Variants in RYR2 observed in about 807,000 individuals in gnomAD.
RYR2 encodes the protein cardiac muscle ryanodine receptor-calcium release channel.
A neutral mutation model predicts 601.1 loss-of-function variants in RYR2; 227 were observed. The ratio of observed to expected loss-of-function variants is 0.38; its 90% CI spans 0.34 to 0.42. The LOEUF (loss-of-function observed/expected upper bound fraction) is 0.42, where lower values mean the gene tolerates loss of function less well. Ranked by LOEUF, RYR2 falls within the 10% of genes least tolerant of loss-of-function variation. The pLI is 1.00. For missense variants in RYR2, 4,646 were observed against 6,156.5 expected, an observed-to-expected ratio of 0.75 and a Z score of 8.21; for synonymous variants, 2,223 against 2,175.1, an observed-to-expected ratio of 1.02 and a Z score of -0.61.
At chr1:237,310,069 C>G (rs1019610881) in intron 2 of RYR2, among the ~76,000 whole-genome samples, 26 of 152,292 alleles carry the variant, frequency 1.7e-4, no homozygotes, top group African/African-American at 6.3e-4. Flanking sequence ...CACAGTGCAG[C>G]AGCAGGCTGA....
chr1:237,586,454 C>T (rs150056114), intron 29 of RYR2, among the ~76,000 whole-genome samples: 51 of 152,256 alleles, frequency 3.3e-4, no homozygotes, highest in African/African-American at 1.2e-3. Flanking sequence ...GCAGGAGTTA[C>T]AGAAGATAGG....
intron 1 of RYR2, among the ~76,000 whole-genome samples, chr1:237,051,462 G>T (rs1021763302): frequency 1.3e-5 from 2 of 151,344 alleles, no homozygotes; most frequent in Non-Finnish European, 2.9e-5. Context: ...CAGGAACAAT[G>T]GTGTCCACAT....
intron 56 of RYR2, 53 bp downstream of exon 56, chr1:237,661,000 T>G: frequency 8.0e-7 from 1 of 1,253,598 alleles, no homozygotes. Context: ...GATTAAATAA[T>G]TTTTTAAATT....
At chr1:237,423,707 A>G (rs1558793809) in intron 12 of RYR2, among the ~76,000 whole-genome samples, 1 of 152,164 alleles carries the variant, frequency 6.6e-6, no homozygotes. Flanking sequence ...TTACAGTGTG[A>G]GGATAAAGCA....
chr1:237,620,910 T>A (rs766008080), intron 38 of RYR2, among the ~76,000 whole-genome samples: 1 of 152,062 alleles, frequency 6.6e-6, no homozygotes, highest in Non-Finnish European at 1.5e-5. Context: ...CACACTATCA[T>A]CAAATAATAG....
rs1213772557 is a variant in RYR2, at chr1:237,658,018, A to C, written c.8204A>C (p.Asp2735Ala). Residue 2735 changes from aspartate (D) to alanine (A), a missense_variant, in exon 54 of 105, where the codon GAC becomes GCC. Coordinates refer to ENST00000366574, the MANE Select transcript of RYR2 (RefSeq NM_001035.3). ...CACTCCCATGACAAATGGTCAATGG[A>C]CAAGGTAAAAAGAGTATTACATTCT... ...AEHSHDKWSM[D>A]KLANGWIYGE... The C allele has an allele frequency of 3.4e-5, 51 of 1,487,292 alleles. No homozygotes were observed. The Admixed American group carries it at 1.1e-3, about 33-fold the overall frequency. The allele number at this position is 1,487,292 out of a possible 1,614,324, so 92.1% of individuals were successfully genotyped here.
chr1:237,070,464 T>C (rs1479340426), intron 1 of RYR2, among the ~76,000 whole-genome samples: 1 of 152,196 alleles, frequency 6.6e-6, no homozygotes. Context: ...AAGCATTTCT[T>C]CTGCCTCAAC....
chr1:237,587,876 G>T (rs1292180120), intron 29 of RYR2, among the ~76,000 whole-genome samples: 1 of 152,118 alleles, frequency 6.6e-6, no homozygotes, highest in Non-Finnish European at 1.5e-5. Flanking sequence ...CAAATAAAGT[G>T]ATCAGAAAGA....
At chr1:237,368,799 G>C (rs1010072945) in intron 5 of RYR2, among the ~76,000 whole-genome samples, 4 of 129,156 alleles carry the variant, frequency 3.1e-5, no homozygotes, top group Non-Finnish European at 7.0e-5. Context: ...TTGAATCAAC[G>C]TTTATTTATT....
chr1:237,072,039 G>A (rs1345081676), intron 1 of RYR2, among the ~76,000 whole-genome samples: 2 of 152,242 alleles, frequency 1.3e-5, no homozygotes, highest in East Asian at 3.9e-4. Flanking sequence ...ACCCTGCTGG[G>A]GGAAGAGGGT....
intron 96 of RYR2, among the ~76,000 whole-genome samples, chr1:237,795,836 G>GTGTGTATA (rs371932356): frequency 4.1e-4 from 55 of 132,666 alleles, no homozygotes; most frequent in East Asian, 6.8e-4. Flanking sequence ...GTGTGTGTGT[G>GTGTGTATA]TATATATATA....
intron 1 of RYR2, among the ~76,000 whole-genome samples, chr1:237,253,967 C>T (rs1426067889): frequency 3.3e-5 from 5 of 152,148 alleles, no homozygotes; most frequent in Admixed American, 3.3e-4. Context: ...TTATATTTCA[C>T]TGTGTTTTTC....
intron 35 of RYR2, among the ~76,000 whole-genome samples, chr1:237,607,672 T>G (rs1292497723): frequency 6.6e-6 from 1 of 152,220 alleles, no homozygotes; most frequent in Non-Finnish European, 1.5e-5. Flanking sequence ...ATGATTGATT[T>G]AAAATTTTAG....
intron 1 of RYR2, among the ~76,000 whole-genome samples, chr1:237,107,391 G>A (rs1194711221): frequency 6.6e-6 from 1 of 150,982 alleles, no homozygotes; most frequent in Non-Finnish European, 1.5e-5. Context: ...CGTGGTGGCG[G>A]GCGCCTGTAG....
intron 16 of RYR2, among the ~76,000 whole-genome samples, chr1:237,467,237 A>T (rs898962844): frequency 6.7e-6 from 1 of 148,160 alleles, no homozygotes; most frequent in African/African-American, 2.4e-5. Flanking sequence ...ATAATTTTAG[A>T]TAGCTATATA....
intron 1 of RYR2, among the ~76,000 whole-genome samples, chr1:237,125,125 G>GCTCT (rs1157090576): frequency 2.0e-5 from 3 of 152,144 alleles, no homozygotes; most frequent in African/African-American, 7.2e-5. Flanking sequence ...GCCAGAAAGA[G>GCTCT]GGTAACAATG....
At chr1:237,537,562 G>A (rs989019620) in intron 25 of RYR2, among the ~76,000 whole-genome samples, 3 of 152,094 alleles carry the variant, frequency 2.0e-5, no homozygotes, top group Non-Finnish European at 4.4e-5. Context: ...TGATCCGCCT[G>A]CCTTGGCCTC....
At chr1:237,441,889 C>CG (rs60674831) in intron 13 of RYR2, among the ~76,000 whole-genome samples, 37,166 of 151,434 alleles carry the variant, frequency 0.25, 8,012 homozygotes, top group African/African-American at 0.59. Flanking sequence ...AAGGAGGGGG[C>CG]GGGGTCAGAA....
At chr1:237,323,713 G>A (rs549059381) in intron 2 of RYR2, among the ~76,000 whole-genome samples, 6 of 152,248 alleles carry the variant, frequency 3.9e-5, no homozygotes, top group South Asian at 4.2e-4. Flanking sequence ...CTTTGTAGCC[G>A]CAATGTACTG....
Sources: gnomAD v4.1 joint callset for allele counts (sites outside exome capture counted in the v4.1 genomes callset) on GRCh38, gnomAD v4.1.1 for gene constraint, MANE v1.5 for transcripts, NCBI Gene and HGNC (gene_info 2026-07-23, HGNC 2026-07-21) for gene names.